Variants in DTNA observed in about 807,000 individuals in gnomAD.
DTNA encodes the protein dystrophin-related protein 3.
A neutral mutation model predicts 100.7 loss-of-function variants in DTNA; 43 were observed. The observed-to-expected ratio is 0.43, with a 90% CI of 0.33 to 0.55. The LOEUF (loss-of-function observed/expected upper bound fraction) is 0.55. Ranked by LOEUF, DTNA falls within the 20% of genes least tolerant of loss-of-function variation. The pLI is 0.04. For synonymous variants in DTNA, 349 were observed against 347.9 expected (o/e 1.00, Z -0.04); for missense variants, 798 against 953.9 (o/e 0.84, Z 2.15).
At chr18:34,726,772 G>T (rs916970794) in intron 1 of DTNA, among the ~76,000 whole-genome samples, 1 of 152,184 alleles carries the variant, frequency 6.6e-6, no homozygotes, top group African/African-American at 2.4e-5. Flanking sequence ...CCAGGCTCAG[G>T]ATGCAAGCTG....
chr18:34,706,211 G>A (rs1056954521), upstream of DTNA, among the ~76,000 whole-genome samples: 1 of 152,150 alleles, frequency 6.6e-6, no homozygotes, highest in African/African-American at 2.4e-5. Flanking sequence ...GCCTCCCAAA[G>A]TGCTGGGATT....
intron 9 of DTNA, among the ~76,000 whole-genome samples, chr18:34,824,019 T>C (rs988119492): frequency 2.6e-5 from 4 of 152,198 alleles, no homozygotes; most frequent in Non-Finnish European, 5.9e-5. Context: ...CAAAGACATA[T>C]TCAGAAAAAA....
Position 34,863,359 on chromosome 18 carries a change from C to T in DTNA, c.1647-607C>T, listed in dbSNP as rs550833680. 2.6e-5 allele frequency among the ~76,000 whole-genome samples: 4 copies of T among 152,312 alleles called. No individual in the cohort carries two copies. In the East Asian group the frequency reaches 7.7e-4, roughly 29 times the overall value. On this transcript the variant is annotated intron_variant, in intron 16 of 22. Transcript: ENST00000444659. ...AAGCATGAACCTTATATATCATCTT[C>T]ACTTGTTGAACAAGTATGTAGAAAT...
chr18:34,575,589 T>A (rs952438902), intron 1 of DTNA, among the ~76,000 whole-genome samples: 4 of 152,208 alleles, frequency 2.6e-5, no homozygotes, highest in Non-Finnish European at 5.9e-5. Context: ...TTCCTTTACC[T>A]TTGTATAAAA....
At chr18:34,493,792 T>G (rs1249626696) in intron 1 of DTNA, 1 of 147,498 alleles carries the variant, frequency 6.8e-6, no homozygotes, top group African/African-American at 2.5e-5. Context: ...AAGTCAAGAG[T>G]GGAAGCGGGC....
chr18:34,553,262 C>G (rs9667559), intron 1 of DTNA, among the ~76,000 whole-genome samples: 28,364 of 149,652 alleles, frequency 0.19, 3,158 homozygotes, highest in African/African-American at 0.29. Flanking sequence ...TGAGTTCATT[C>G]TAGATTCTGG....
chr18:34,616,209 G>A (rs570861580), intron 1 of DTNA, among the ~76,000 whole-genome samples: 6 of 152,254 alleles, frequency 3.9e-5, no homozygotes, highest in South Asian at 4.1e-4. Context: ...CACTAGCAAC[G>A]TATAAGTGCT....
At chr18:34,655,348 A>C (rs2074220791) in intron 1 of DTNA, among the ~76,000 whole-genome samples, 1 of 152,032 alleles carries the variant, frequency 6.6e-6, no homozygotes, top group Non-Finnish European at 1.5e-5. Flanking sequence ...ATTCCAGCCC[A>C]CCAAGGCCTC....
rs2095758210 is a variant in DTNA, at chr18:34,822,816, A to G, written c.1001+1901A>G. 5.3e-5 allele frequency among the ~76,000 whole-genome samples: 8 copies of G among 151,804 alleles called. No individual in the cohort carries two copies. In the South Asian group the frequency reaches 1.7e-3, roughly 32 times the overall value. Reference sequence around the variant, plus strand: ...TGCGTTCTTAGTTTATGTTCCATGGAGAGATTTTAAAATTCTGTACAAAAT... The same window carrying G: ...TGCGTTCTTAGTTTATGTTCCATGGGGAGATTTTAAAATTCTGTACAAAAT... On this transcript the variant is annotated intron_variant, in intron 9 of 22. Coordinates refer to ENST00000444659, the MANE Select transcript of DTNA (RefSeq NM_001386795.1).
chr18:34,868,513 T>C, intron 17 of DTNA: 22 of 985,474 alleles, frequency 2.2e-5, no homozygotes, highest in Non-Finnish European at 2.7e-5. Flanking sequence ...TGTTTTTATT[T>C]ATGAGTGTTT....
At chr18:34,504,308 A>G (rs775070445) in intron 1 of DTNA, among the ~76,000 whole-genome samples, 4 of 152,186 alleles carry the variant, frequency 2.6e-5, no homozygotes, top group Non-Finnish European at 4.4e-5. Flanking sequence ...CATTTATAAT[A>G]TGATTGTCTT....
At chr18:34,656,715 C>T (rs2074424245) in intron 1 of DTNA, among the ~76,000 whole-genome samples, 1 of 152,054 alleles carries the variant, frequency 6.6e-6, no homozygotes, top group African/African-American at 2.4e-5. Context: ...AAAATTTCTT[C>T]ATTATAAAAA....
intron 9 of DTNA, chr18:34,825,395 C>A: frequency 8.0e-7 from 1 of 1,246,856 alleles, no homozygotes; most frequent in Non-Finnish European, 1.2e-6. Flanking sequence ...TCTTCTTATG[C>A]TGTACACTCA....
intron 10 of DTNA, among the ~76,000 whole-genome samples, chr18:34,828,695 A>G (rs2095920896): frequency 6.6e-6 from 1 of 152,196 alleles, no homozygotes; most frequent in African/African-American, 2.4e-5. Flanking sequence ...TAAACAGAAT[A>G]TGGCAGAAAA....
chr18:34,688,791 G>T (rs2079294796), intron 1 of DTNA, among the ~76,000 whole-genome samples: 1 of 152,108 alleles, frequency 6.6e-6, no homozygotes, highest in South Asian at 2.1e-4. Flanking sequence ...ATCAAACGTA[G>T]ATTTTGTCTT....
chr18:34,665,585 C>G (rs970612113), intron 1 of DTNA, among the ~76,000 whole-genome samples: 1 of 152,128 alleles, frequency 6.6e-6, no homozygotes, highest in Non-Finnish European at 1.5e-5. Flanking sequence ...CCCTCCACCC[C>G]ACAACAGGCC....
intron 17 of DTNA, chr18:34,866,731 T>C: frequency 3.0e-6 from 3 of 990,288 alleles, no homozygotes; most frequent in Non-Finnish European, 3.6e-6. Flanking sequence ...CATAACTGAC[T>C]ATTCACGTCC....
chr18:34,640,522 G>GACATTCATTCGTTCACTTATTTGT (rs2059157937), intron 1 of DTNA, among the ~76,000 whole-genome samples: 1 of 152,230 alleles, frequency 6.6e-6, no homozygotes, highest in East Asian at 1.9e-4. Context: ...GCCAATCACA[G>GACATTCATTCGTTCACTTATTTGT]ACATTCATTC....
chr18:34,815,838 TATG>T, intron 6 of DTNA, 68 bp from the exon 7 acceptor site: 4 of 1,282,050 alleles, frequency 3.1e-6, no homozygotes, highest in Non-Finnish European at 4.5e-6. Context: ...TCTCAAATGA[TATG>T]ATATTTACAT....
Sources: allele counts gnomAD v4.1 joint callset (sites outside exome capture counted in the v4.1 genomes callset), GRCh38; gene constraint gnomAD v4.1.1; transcripts MANE v1.5; gene names NCBI Gene and HGNC (gene_info 2026-07-23, HGNC 2026-07-21).